The following PNKD variants were observed in gnomAD, a reference collection of about 807,000 sequenced individuals.
The protein encoded by PNKD is probable thioesterase PNKD.
In PNKD, 36 loss-of-function variants were observed where a neutral mutation model predicts 45.3. The ratio of observed to expected loss-of-function variants is 0.80; its 90% confidence interval spans 0.61 to 1.05. PNKD has a LOEUF of 1.05. PNKD is among the 50% of genes least tolerant of loss of function. The pLI, the probability that PNKD is intolerant of heterozygous loss-of-function variation, is 0.00. For missense variants in PNKD, 511 were observed against 506.6 expected (o/e 1.01, Z -0.08); for synonymous variants, 197 against 210.1 (o/e 0.94, Z 0.54).
At chr2:218,309,416 CAAAAA>C (rs10553302) in intron 2 of PNKD, among the ~76,000 whole-genome samples, 38 of 54,452 alleles carry the variant, frequency 7.0e-4, no homozygotes, top group African/African-American at 2.8e-3. Flanking sequence ...GACTCCGCCT[CAAAAA>C]AAAAAAAAAA....
At chr2:218,335,647 CA>C (rs985675412) in intron 2 of PNKD, among the ~76,000 whole-genome samples, 11 of 143,834 alleles carry the variant, frequency 7.6e-5, no homozygotes, top group African/African-American at 7.7e-5. Context: ...GAAATAAAAC[CA>C]AAAAAAAAAG....
chr2:218,277,689 C>G (rs373610767), intron 2 of PNKD: 165 of 1,613,920 alleles, frequency 1.0e-4, no homozygotes, highest in Non-Finnish European at 1.3e-4. Flanking sequence ...AGGAGAGAGA[C>G]AAGAATGAAA....
intron 2 of PNKD, among the ~76,000 whole-genome samples, chr2:218,330,788 C>G (rs570769366): frequency 6.6e-6 from 1 of 152,350 alleles, no homozygotes; most frequent in East Asian, 1.9e-4. Context: ...CCAGATCATT[C>G]TAATATAGGT....
chr2:218,310,978 T>C (rs544727533), intron 2 of PNKD, among the ~76,000 whole-genome samples: 21 of 152,338 alleles, frequency 1.4e-4, no homozygotes, highest in African/African-American at 3.8e-4. Context: ...TAACATGCCG[T>C]GCAGGTTTGT....
chr2:218,332,665 C>T, intron 2 of PNKD, among the ~76,000 whole-genome samples: 1 of 152,182 alleles, frequency 6.6e-6, no homozygotes, highest in South Asian at 2.1e-4. Flanking sequence ...CTCCCATCCC[C>T]CTGCCACCCC....
Position 218,342,036 on chromosome 2 carries a change from G to C in PNKD, c.673G>C (p.Ala225Pro), listed in dbSNP as rs1459728761. 2.5e-6 allele frequency: 4 copies of C among 1,613,238 alleles called. No homozygotes were observed. The highest frequency in any genetic ancestry group is 2.5e-6 in the Non-Finnish European group (3 of 1,179,182). ...GGGACGGCTTCAGATCCGGGCCCTG[G>C]CTACACCTGGCCACACACAAGGCCA... ...SVGRLQIRAL[A>P]TPGHTQGHLV... Residue 225 changes from alanine to proline, a missense_variant, in exon 7 of 10, where the codon GCT becomes CCT. Ala to Pro is a conservative substitution (Grantham distance 27). Transcript: ENST00000273077.
At chr2:218,277,618 T>C in intron 2 of PNKD, 1 of 1,614,200 alleles carries the variant, frequency 6.2e-7, no homozygotes, top group Non-Finnish European at 8.5e-7. Flanking sequence ...AGTGGTGCTT[T>C]ATCCCTGAAT....
chr2:218,343,478 A>G (rs1694740205), intron 7 of PNKD, 22 bp from the exon 8 acceptor site: 2 of 1,594,914 alleles, frequency 1.3e-6, no homozygotes, highest in Non-Finnish European at 1.7e-6. Flanking sequence ...ACCTTGTGAC[A>G]TACCCTCCAA....
At chr2:218,280,505 G>A (rs1371391314) in intron 2 of PNKD, 1 of 272,140 alleles carries the variant, frequency 3.7e-6, no homozygotes, top group Non-Finnish European at 7.3e-6. Flanking sequence ...GAAAAGGAGG[G>A]CGGCAGAGCG....
intron 2 of PNKD, among the ~76,000 whole-genome samples, chr2:218,289,343 C>A (rs1692769563): frequency 1.3e-5 from 2 of 152,010 alleles, no homozygotes; most frequent in Admixed American, 1.3e-4. Flanking sequence ...AAGACAATTC[C>A]CCTCAAATGA....
chr2:218,310,125 C>T (rs1274145106), intron 2 of PNKD, among the ~76,000 whole-genome samples: 4 of 152,108 alleles, frequency 2.6e-5, no homozygotes, highest in Admixed American at 1.3e-4. Flanking sequence ...TCCAAGATGG[C>T]GTCTGTGGTT....
rs1656681135 is a variant in PNKD at position 218,329,832 on chromosome 2, A to G, written c.237-9951A>G. ...CACAAAACATGGAGCTGCTCTCTGCATTCCTGAGGGGCCTCTAAGCAGACC... is the reference window on the plus strand; with the variant it reads ...CACAAAACATGGAGCTGCTCTCTGCGTTCCTGAGGGGCCTCTAAGCAGACC... On this transcript the variant is annotated intron_variant, in intron 2 of 9. Coordinates refer to ENST00000273077, the MANE Select transcript of PNKD (RefSeq NM_015488.5). 2.6e-5 allele frequency among the ~76,000 whole-genome samples: 4 copies of G among 152,334 alleles called. No individual in the cohort carries two copies. In the South Asian group the frequency reaches 8.3e-4, roughly 32 times the overall value.
Position 218,331,407 on chromosome 2 carries a change from C to CA in PNKD, c.237-8365dup, listed in dbSNP as rs34373293. On this transcript the variant is annotated intron_variant, in intron 2 of 9. Transcript: ENST00000273077. ...GGGCAACAAGAGCGAAGCTCTGTCTCAAAAAAAAAAACCCAAAACAAATAT... is the reference window on the plus strand; with the variant it reads ...GGGCAACAAGAGCGAAGCTCTGTCTCAAAAAAAAAAAACCCAAAACAAATAT... Among the ~76,000 whole-genome samples the CA allele has an allele frequency of 7.1e-3, 1,018 of 142,888 alleles. 9 individuals are homozygous for CA. The highest frequency in any genetic ancestry group is 0.022 in the African/African-American group (854 of 39,164). 93.7% of individuals were successfully genotyped at this position (142,888 alleles called of 152,430 possible).
At chr2:218,332,829 GC>G (rs1413235405) in intron 2 of PNKD, among the ~76,000 whole-genome samples, 1 of 152,022 alleles carries the variant, frequency 6.6e-6, no homozygotes, top group Admixed American at 6.6e-5. Context: ...ACAACCACCA[GC>G]CATTTTCCAC....
Position 218,278,317 on chromosome 2 carries a change from T to G in PNKD, c.236+6768T>G, listed in dbSNP as rs182790918. 1.3e-4 allele frequency: 85 copies of G among 632,424 alleles called. No homozygotes were observed. In the East Asian group the frequency reaches 2.2e-3, roughly 16 times the overall value. 39.2% of individuals were successfully genotyped at this position (632,424 alleles called of 1,614,324 possible). A position where few individuals can be genotyped will look rare whatever the true frequency, so the allele number is the denominator to read the frequency against. On this transcript the variant is annotated intron_variant, in intron 2 of 9. Coordinates refer to ENST00000273077, the MANE Select transcript of PNKD (RefSeq NM_015488.5). ...TGCTACCTGTCTTGCAGGGTTACTA[T>G]AAGAGTGACAGCTAGTTAGCTCCTA...
intron 2 of PNKD, among the ~76,000 whole-genome samples, chr2:218,302,948 G>A: frequency 6.6e-6 from 1 of 151,980 alleles, no homozygotes; most frequent in East Asian, 1.9e-4. Flanking sequence ...TCGTTTGTTT[G>A]TTTGTTTGTT....
intron 2 of PNKD, among the ~76,000 whole-genome samples, chr2:218,314,220 G>A (rs1693700781): frequency 1.4e-5 from 1 of 70,988 alleles, no homozygotes; most frequent in Non-Finnish European, 2.4e-5. Context: ...ACCGCGCCCT[G>A]GCTTTTTTTT....
At chr2:218,288,803 G>A (rs1197336263) in intron 2 of PNKD, among the ~76,000 whole-genome samples, 1 of 152,100 alleles carries the variant, frequency 6.6e-6, no homozygotes, top group Non-Finnish European at 1.5e-5. Context: ...GGGAGTTGGG[G>A]TGGGTAAAAG....
At chr2:218,316,416 C>G (rs1237814502) in intron 2 of PNKD, among the ~76,000 whole-genome samples, 1 of 151,930 alleles carries the variant, frequency 6.6e-6, no homozygotes, top group Non-Finnish European at 1.5e-5. Flanking sequence ...ATTACAGGCA[C>G]CCGCCACCAT....
Sources: gnomAD v4.1 joint callset for allele counts (sites outside exome capture counted in the v4.1 genomes callset) on GRCh38, gnomAD v4.1.1 for gene constraint, MANE v1.5 for transcripts, NCBI Gene and HGNC (gene_info 2026-07-23, HGNC 2026-07-21) for gene names.